TXN2: variants seen among roughly 807,000 people sequenced by gnomAD.
The protein encoded by TXN2 is thioredoxin, mitochondrial.
Under a neutral mutation model 14.6 loss-of-function variants are expected in TXN2, and 12 were observed. The observed-to-expected ratio is 0.82, with a 90% CI of 0.53 to 1.33. The LOEUF (loss-of-function observed/expected upper bound fraction) is 1.33. Among genes scored for constraint, TXN2 ranks in the 40% most tolerant of loss-of-function variants. The pLI is 0.00. For synonymous variants in TXN2, 89 were observed against 81.0 expected (o/e 1.10, Z -0.53); for missense variants, 173 against 207.7 (o/e 0.83, Z 1.03).
chr22:36,473,931 T>C (rs111785212), intron 3 of TXN2, among the ~76,000 whole-genome samples: 8 of 152,306 alleles, frequency 5.3e-5, no homozygotes, highest in South Asian at 2.1e-4. Flanking sequence ...GTAGTTACCA[T>C]AGTCCCTGCA....
At chr22:36,475,708 G>A (rs1047104329) in intron 3 of TXN2, among the ~76,000 whole-genome samples, 2 of 152,156 alleles carry the variant, frequency 1.3e-5, no homozygotes, top group Non-Finnish European at 2.9e-5. Context: ...TAGACTCCAC[G>A]GAGGCAGAGA....
chr22:36,479,081 C>T (rs530015236), intron 2 of TXN2, among the ~76,000 whole-genome samples: 2 of 152,114 alleles, frequency 1.3e-5, no homozygotes, highest in Admixed American at 6.5e-5. Context: ...GAGCCGTGAT[C>T]GCACCACTGC....
Position 36,480,838 on chromosome 22 carries a change from C to T in TXN2, c.1-1G>A. On this transcript the variant is annotated splice_acceptor_variant, in intron 1 of 3. Transcript: ENST00000216185. LOFTEE classifies it low-confidence loss of function (5UTR_SPLICE). ...TCCTCAGAAGAAGTCGCTGAGCCAT[C>T]TGTGAGGGAAAGAGGCAGAAGAACT... 6.4e-7 allele frequency: 1 copy of T among 1,555,956 alleles called. No homozygotes were observed. Among genetic ancestry groups the T allele is most frequent in the Non-Finnish European group, 8.7e-7 (1 of 1,150,576 alleles).
At chr22:36,468,460 A>G (rs150964999) in intron 3 of TXN2, 22 of 306,358 alleles carry the variant, frequency 7.2e-5, no homozygotes, top group South Asian at 3.8e-4. Flanking sequence ...ACAGTGGCTT[A>G]TATCTATAAT....
At chr22:36,479,962 C>T (rs1322639758) in intron 2 of TXN2, among the ~76,000 whole-genome samples, 1 of 151,314 alleles carries the variant, frequency 6.6e-6, no homozygotes, top group Non-Finnish European at 1.5e-5. Context: ...CAGCTCACTA[C>T]AAACACTACC....
At chr22:36,471,414 C>G (rs573847250) in intron 3 of TXN2, among the ~76,000 whole-genome samples, 6 of 152,302 alleles carry the variant, frequency 3.9e-5, no homozygotes, top group African/African-American at 1.4e-4. Context: ...TCCTGTCCCA[C>G]CCCGATGGCA....
intron 3 of TXN2, 60 bp downstream of exon 3, chr22:36,476,673 T>C (rs1198346940): frequency 6.2e-7 from 1 of 1,607,816 alleles, no homozygotes; most frequent in African/African-American, 1.3e-5. Context: ...ACACCAGCTA[T>C]CCCTGGGCCT....
At chr22:36,479,275 G>A (rs1933448860) in intron 2 of TXN2, among the ~76,000 whole-genome samples, 1 of 152,060 alleles carries the variant, frequency 6.6e-6, no homozygotes, top group African/African-American at 2.4e-5. Context: ...AGAAACAACT[G>A]GAAAGCCAGC....
chr22:36,478,052 A>G (rs961761998), intron 2 of TXN2, among the ~76,000 whole-genome samples: 2 of 147,458 alleles, frequency 1.4e-5, no homozygotes, highest in Non-Finnish European at 3.0e-5. Flanking sequence ...CAGGAGAATC[A>G]CTTTAACCTG....
At chr22:36,469,393 G>A (rs914685929) in intron 3 of TXN2, among the ~76,000 whole-genome samples, 1 of 134,602 alleles carries the variant, frequency 7.4e-6, no homozygotes. Flanking sequence ...GCTGTGATGA[G>A]TGACAGGGTC....
chr22:36,480,131 C>A (rs1280917671), intron 2 of TXN2, among the ~76,000 whole-genome samples: 1 of 152,216 alleles, frequency 6.6e-6, no homozygotes, highest in Non-Finnish European at 1.5e-5. Context: ...GATCTGCCCG[C>A]CTTGGCCTCC....
Position 36,473,046 on chromosome 22 carries a change from C to A in TXN2, c.387+3687G>T, listed in dbSNP as rs142013123. Among the ~76,000 whole-genome samples, 15 of 152,260 alleles carry A rather than the reference C, an allele frequency of 9.9e-5. No individual in the cohort carries two copies. The East Asian group carries it at 1.2e-3, about 12-fold the overall frequency. On this transcript the variant is annotated intron_variant, in intron 3 of 3. Transcript: ENST00000216185. ...TGGTGGCCGGGCGCGGTGGCTCATG[C>A]CTGTAATGCCAGCACTCTGGGAGGC...
upstream of TXN2, chr22:36,481,640 C>CGGGG (rs1555885385): frequency 2.5e-5 from 24 of 949,474 alleles, no homozygotes; most frequent in African/African-American, 3.8e-4. Context: ...GTCACTTCCT[C>CGGGG]GGGGGGGGAC....
intron 1 of TXN2, 65 bp downstream of exon 1, chr22:36,481,499 A>T: frequency 1.1e-6 from 1 of 884,802 alleles, no homozygotes; most frequent in Non-Finnish European, 1.4e-6. Flanking sequence ...CAGCCTGCGC[A>T]GGAACGCGCT....
rs571177940 is a variant in TXN2, at chr22:36,467,830, C to T, written c.475G>A (p.Ala159Thr). 1.9e-6 allele frequency: 3 copies of T among 1,614,052 alleles called. No homozygotes were observed. The highest frequency in any genetic ancestry group is 2.5e-6 in the Non-Finnish European group (3 of 1,180,020). Residue 159 changes from alanine (A) to threonine (T), a missense_variant, in exon 4 of 4, where the codon GCC becomes ACC. By Grantham distance (58) the Ala-to-Thr change is moderately conservative. Transcript: ENST00000216185. ...VGIKDEDQLE[A>T]FLKKLIG ...CAGCCAATCAGCTTCTTCAGGAAGG[C>T]CTCCAACTGATCCTCATCCTTGATG...
chr22:36,467,444 G>A lies in TXN2; in HGVS notation c.*360C>T, dbSNP rs8141619. 7,388 of 211,968 alleles carry A rather than the reference G, an allele frequency of 0.035. 323 individuals carry two copies. The highest frequency in any genetic ancestry group is 0.11 in the African/African-American group (4,880 of 43,768). 13.1% of individuals were successfully genotyped at this position (211,968 alleles called of 1,614,324 possible). On this transcript the variant is annotated 3_prime_UTR_variant, in exon 4 of 4. Coordinates refer to ENST00000216185, the MANE Select transcript of TXN2 (RefSeq NM_012473.4). ...TGTAGGTGGCAGACGAGCCAGGCACGAGGTTTCAGATTGGAAGGGACCAAG... is the reference window on the plus strand; with the variant it reads ...TGTAGGTGGCAGACGAGCCAGGCACAAGGTTTCAGATTGGAAGGGACCAAG...
intron 3 of TXN2, among the ~76,000 whole-genome samples, chr22:36,474,335 G>A (rs2145823601): frequency 6.6e-6 from 1 of 152,272 alleles, no homozygotes; most frequent in South Asian, 2.1e-4. Context: ...GCAGACTGAT[G>A]TTCCTTTGGG....
At chr22:36,479,763 G>A (rs955984606) in intron 2 of TXN2, among the ~76,000 whole-genome samples, 1 of 152,170 alleles carries the variant, frequency 6.6e-6, no homozygotes, top group Non-Finnish European at 1.5e-5. Context: ...AAAAAGCCCA[G>A]GCTAAAATTC....
chr22:36,477,209 C>A (rs1933403859), intron 2 of TXN2, among the ~76,000 whole-genome samples: 3 of 152,122 alleles, frequency 2.0e-5, no homozygotes, highest in African/African-American at 7.2e-5. Flanking sequence ...GCCCTAGTTT[C>A]CTTTTTTTCT....
Sources: gnomAD v4.1 joint callset for allele counts (sites outside exome capture counted in the v4.1 genomes callset) on GRCh38, gnomAD v4.1.1 for gene constraint, MANE v1.5 for transcripts, NCBI Gene and HGNC (gene_info 2026-07-23, HGNC 2026-07-21) for gene names.